Variants in ERC2 observed in about 807,000 individuals in gnomAD.
ERC2 encodes ELKS/RAB6-interacting/CAST family member 2.
ERC2 carries 42 observed loss-of-function variants against 114.8 expected under a neutral mutation model. That is an observed-to-expected ratio of 0.37 (90% confidence interval 0.29 to 0.47). The LOEUF (loss-of-function observed/expected upper bound fraction) is 0.47, where lower values mean the gene tolerates loss of function less well. Ranked by LOEUF, ERC2 falls within the 20% of genes least tolerant of loss-of-function variation. ERC2 has a pLI of 0.99. For missense variants in ERC2, 939 were observed against 1,150.7 expected (o/e 0.82, Z 2.66); for synonymous variants, 454 against 425.5 (o/e 1.07, Z -0.82).
At chr3:56,191,091 G>A (rs1369332961) in intron 3 of ERC2, among the ~76,000 whole-genome samples, 1 of 152,176 alleles carries the variant, frequency 6.6e-6, no homozygotes, top group Non-Finnish European at 1.5e-5. Flanking sequence ...GTAACAGAGA[G>A]GCAACCTGAG....
chr3:56,236,932 G>T (rs553223540), intron 3 of ERC2, among the ~76,000 whole-genome samples: 2 of 152,140 alleles, frequency 1.3e-5, no homozygotes. Context: ...ACGAATGTTG[G>T]TAAAAACATC....
chr3:55,962,803 A>G (rs2068479837), intron 12 of ERC2, among the ~76,000 whole-genome samples: 1 of 152,220 alleles, frequency 6.6e-6, no homozygotes, highest in South Asian at 2.1e-4. Flanking sequence ...CCTCTATGCT[A>G]TGCCAACCAA....
chr3:56,046,654 T>A lies in ERC2; in HGVS notation c.1642-27623A>T, dbSNP rs146271755. Among the ~76,000 whole-genome samples the A allele has an allele frequency of 5.2e-3, 798 of 152,304 alleles. 3 individuals carry two copies. The highest frequency in any genetic ancestry group is 0.018 in the South Asian group (86 of 4,830). ...AATTCTAATGGACAGAGTGTCAGCA[T>A]AAATGAAACAAATTCTGTATATTCT... On this transcript the variant is annotated intron_variant, in intron 7 of 17. Transcript: ENST00000288221.
chr3:56,314,355 C>T (rs2056765174), intron 2 of ERC2, among the ~76,000 whole-genome samples: 1 of 152,104 alleles, frequency 6.6e-6, no homozygotes, highest in Non-Finnish European at 1.5e-5. Flanking sequence ...ATAACACATG[C>T]CCAATACTTA....
At chr3:55,612,884 A>G (rs2058966748) in intron 17 of ERC2, 1 of 152,252 alleles carries the variant, frequency 6.6e-6, no homozygotes, top group Non-Finnish European at 1.5e-5. Flanking sequence ...AATGTTCTAG[A>G]GTTGAAAAGA....
intron 6 of ERC2, among the ~76,000 whole-genome samples, chr3:56,123,964 A>G (rs1025874587): frequency 3.3e-5 from 5 of 152,190 alleles, no homozygotes; most frequent in African/African-American, 1.2e-4. Context: ...GCCAATTTGT[A>G]TTACAGATAA....
In ERC2 at chr3:55,595,806, T is replaced by C. The variant is rs2148512445; in HGVS notation, c.*40-84530A>G. Among the ~76,000 whole-genome samples, 4 of 152,330 alleles carry C rather than the reference T, an allele frequency of 2.6e-5. No homozygotes were observed. In the South Asian group the frequency reaches 8.3e-4, roughly 32 times the overall value. ...TGCTTGGAAGCCGCCATGTTATCTATAAACCATGAGAGTATGGCAGTTTAT... is the reference window on the plus strand; with the variant it reads ...TGCTTGGAAGCCGCCATGTTATCTACAAACCATGAGAGTATGGCAGTTTAT... On this transcript the variant is annotated intron_variant, in intron 17 of 17. Coordinates refer to ENST00000288221, the MANE Select transcript of ERC2 (RefSeq NM_015576.3).
intron 3 of ERC2, among the ~76,000 whole-genome samples, chr3:56,262,832 A>G (rs2053031767): frequency 6.6e-6 from 1 of 152,226 alleles, no homozygotes; most frequent in Non-Finnish European, 1.5e-5. Flanking sequence ...ATCCTCACAT[A>G]AGGAGGATCT....
intron 14 of ERC2, among the ~76,000 whole-genome samples, chr3:55,842,245 C>T (rs922780732): frequency 6.6e-6 from 1 of 152,030 alleles, no homozygotes; most frequent in Non-Finnish European, 1.5e-5. Flanking sequence ...CTCTGTCTCT[C>T]CAAAAAAAAG....
At chr3:56,147,982 G>C (rs1299792182) in intron 5 of ERC2, among the ~76,000 whole-genome samples, 2 of 151,990 alleles carry the variant, frequency 1.3e-5, no homozygotes, top group African/African-American at 2.4e-5. Flanking sequence ...TAAACTAATA[G>C]AGCAGGTTAC....
At position 55,773,821 on chromosome 3, in the gene ERC2, G is replaced by T. The variant is rs116489551; in HGVS notation, c.2565-38903C>A. 3.7e-3 allele frequency among the ~76,000 whole-genome samples: 566 copies of T among 152,310 alleles called. 3 individuals are homozygous for T. Among genetic ancestry groups the T allele is most frequent in the African/African-American group, 0.013 (549 of 41,558 alleles). On this transcript the variant is annotated intron_variant, in intron 14 of 17. Coordinates refer to ENST00000288221, the MANE Select transcript of ERC2 (RefSeq NM_015576.3). Reference sequence around the variant, plus strand: ...TCTTGCAAGTGCACAGAGAAAAACTGTAAGTATATTTTTTGGTTCACTGAA... The same window carrying T: ...TCTTGCAAGTGCACAGAGAAAAACTTTAAGTATATTTTTTGGTTCACTGAA...
chr3:55,681,373 C>T (rs2062045775), intron 17 of ERC2, among the ~76,000 whole-genome samples: 1 of 152,180 alleles, frequency 6.6e-6, no homozygotes, highest in East Asian at 1.9e-4. Flanking sequence ...AGTAAAATAA[C>T]ATCTTGTGAT....
At chr3:55,521,456 G>A (rs753021523) in intron 17 of ERC2, among the ~76,000 whole-genome samples, 4 of 152,248 alleles carry the variant, frequency 2.6e-5, no homozygotes, top group Non-Finnish European at 5.9e-5. Context: ...CACCTTGGAG[G>A]TGAAATGCTA....
chr3:56,432,596 T>C (rs1404743687), intron 2 of ERC2, among the ~76,000 whole-genome samples: 2 of 152,218 alleles, frequency 1.3e-5, no homozygotes, highest in South Asian at 2.1e-4. Context: ...GATAAGGTGA[T>C]TGTTTTCTAC....
intron 2 of ERC2, among the ~76,000 whole-genome samples, chr3:56,356,688 C>G (rs2058756846): frequency 6.6e-6 from 1 of 152,162 alleles, no homozygotes; most frequent in Non-Finnish European, 1.5e-5. Context: ...TGGTCCAAAT[C>G]CAAGTGAACC....
intron 17 of ERC2, among the ~76,000 whole-genome samples, chr3:55,523,218 G>C (rs2053082044): frequency 2.0e-5 from 3 of 152,234 alleles, no homozygotes; most frequent in Admixed American, 1.3e-4. Flanking sequence ...GAGTCCCCTG[G>C]AAGACCCATG....
chr3:55,671,522 C>T (rs976570621), intron 17 of ERC2, among the ~76,000 whole-genome samples: 1 of 152,162 alleles, frequency 6.6e-6, no homozygotes, highest in African/African-American at 2.4e-5. Context: ...TTGCCGACAT[C>T]CTTTGAGAAA....
chr3:55,588,297 C>T (rs1237426293), intron 17 of ERC2, among the ~76,000 whole-genome samples: 2 of 151,992 alleles, frequency 1.3e-5, no homozygotes, highest in Non-Finnish European at 2.9e-5. Flanking sequence ...CTCCTTCCAA[C>T]CAGGGCCTCC....
At chr3:55,859,080 C>A (rs2061911094) in intron 14 of ERC2, among the ~76,000 whole-genome samples, 1 of 152,096 alleles carries the variant, frequency 6.6e-6, no homozygotes, top group Non-Finnish European at 1.5e-5. Context: ...CCCAGCAAGC[C>A]CTCAAATACT....
Sources: gnomAD v4.1 joint callset for allele counts (sites outside exome capture counted in the v4.1 genomes callset) on GRCh38, gnomAD v4.1.1 for gene constraint, MANE v1.5 for transcripts, NCBI Gene and HGNC (gene_info 2026-07-23, HGNC 2026-07-21) for gene names.